The following PCLO variants were observed in gnomAD, a reference collection of about 807,000 sequenced individuals.
PCLO encodes the protein piccolo presynaptic cytomatrix protein, also known as protein piccolo.
In PCLO, 82 loss-of-function variants were observed where a neutral mutation model predicts 427.5. That is an observed-to-expected ratio of 0.19 (90% CI 0.16 to 0.23). PCLO has a LOEUF of 0.23. Among genes scored for constraint, PCLO ranks in the 10% least tolerant of loss-of-function variants. The pLI, the probability that PCLO is intolerant of heterozygous loss-of-function variation, is 1.00. For synonymous variants in PCLO, 2,357 were observed against 2,155.4 expected (o/e 1.09, Z -2.59); for missense variants, 6,239 against 6,115.9 (o/e 1.02, Z -0.67).
chr7:82,805,430 T>G (rs1429985153), intron 21 of PCLO, among the ~76,000 whole-genome samples: 1 of 152,202 alleles, frequency 6.6e-6, no homozygotes, highest in Non-Finnish European at 1.5e-5. Flanking sequence ...CATGGCTAAG[T>G]GATTAGCAGT....
At chr7:83,144,527 C>G (rs142285292) in intron 2 of PCLO, among the ~76,000 whole-genome samples, 18 of 152,168 alleles carry the variant, frequency 1.2e-4, no homozygotes, top group Admixed American at 3.3e-4. Context: ...TGAATAGATG[C>G]TCCTTACAAC....
chr7:82,949,123 C>A (rs1395623276), intron 6 of PCLO, among the ~76,000 whole-genome samples: 1 of 152,116 alleles, frequency 6.6e-6, no homozygotes, highest in Non-Finnish European at 1.5e-5. Flanking sequence ...GAAATCACAG[C>A]TACAGTTGAT....
intron 3 of PCLO, among the ~76,000 whole-genome samples, chr7:83,034,177 CT>C (rs1284917908): frequency 2.0e-5 from 3 of 152,118 alleles, no homozygotes; most frequent in African/African-American, 7.2e-5. Flanking sequence ...CTCAATTTAA[CT>C]TAGACCCATG....
At chr7:82,828,952 G>A (rs1244953328) in intron 16 of PCLO, among the ~76,000 whole-genome samples, 1 of 152,104 alleles carries the variant, frequency 6.6e-6, no homozygotes, top group Non-Finnish European at 1.5e-5. Context: ...TTCACAAGTT[G>A]CCTTTCCCTA....
intron 3 of PCLO, among the ~76,000 whole-genome samples, chr7:83,052,695 C>A (rs1372359046): frequency 6.6e-6 from 1 of 151,886 alleles, no homozygotes; most frequent in Non-Finnish European, 1.5e-5. Context: ...GTGCCTCTAC[C>A]TCGTTGGTTG....
At chr7:82,898,761 A>G (rs1793967059) in intron 9 of PCLO, among the ~76,000 whole-genome samples, 1 of 151,464 alleles carries the variant, frequency 6.6e-6, no homozygotes, top group African/African-American at 2.4e-5. Flanking sequence ...GTACAATTTT[A>G]TTATGGAAAA....
At chr7:82,772,990 G>T (rs760096068) in intron 22 of PCLO, among the ~76,000 whole-genome samples, 10 of 152,096 alleles carry the variant, frequency 6.6e-5, no homozygotes, top group Non-Finnish European at 1.0e-4. Context: ...CAGGAATGAG[G>T]TAGGAGAGCT....
intron 23 of PCLO, among the ~76,000 whole-genome samples, chr7:82,761,098 G>A (rs1056868193): frequency 2.0e-5 from 3 of 151,176 alleles, no homozygotes; most frequent in Admixed American, 1.3e-4. Flanking sequence ...AGGCAGGAGC[G>A]ACCACACCTA....
intron 3 of PCLO, among the ~76,000 whole-genome samples, chr7:83,072,014 A>C (rs10233612): frequency 0.24 from 35,938 of 151,974 alleles, 4,842 homozygotes; most frequent in East Asian, 0.56. Flanking sequence ...TATGTTATTC[A>C]AATTTCTTAT....
intron 3 of PCLO, among the ~76,000 whole-genome samples, chr7:82,968,165 T>G (rs1488041756): frequency 6.6e-6 from 1 of 152,200 alleles, no homozygotes; most frequent in African/African-American, 2.4e-5. Context: ...AAGACAAAAG[T>G]CAATTCTGTA....
At chr7:83,110,887 A>C (rs1159693759) in intron 3 of PCLO, among the ~76,000 whole-genome samples, 1 of 152,226 alleles carries the variant, frequency 6.6e-6, no homozygotes, top group Admixed American at 6.5e-5. Flanking sequence ...TTCATTTAGC[A>C]AAGCAATGAT....
intron 22 of PCLO, among the ~76,000 whole-genome samples, chr7:82,779,724 A>ATT (rs59284675): frequency 7.6e-6 from 1 of 131,070 alleles, no homozygotes; most frequent in African/African-American, 2.8e-5. Flanking sequence ...TTTGCTCTAT[A>ATT]TTTTTTTTTC....
intron 3 of PCLO, among the ~76,000 whole-genome samples, chr7:83,039,255 T>C (rs1369422898): frequency 2.0e-5 from 3 of 152,156 alleles, no homozygotes; most frequent in African/African-American, 7.2e-5. Flanking sequence ...TTGTTGCTCA[T>C]ACTTTTGGGG....
intron 3 of PCLO, among the ~76,000 whole-genome samples, chr7:83,072,652 T>C (rs1236152533): frequency 6.6e-6 from 1 of 152,070 alleles, no homozygotes; most frequent in African/African-American, 2.4e-5. Flanking sequence ...AATTAAGATT[T>C]GTACCAGTTT....
intron 22 of PCLO, among the ~76,000 whole-genome samples, chr7:82,776,229 G>C (rs926457675): frequency 2.6e-5 from 4 of 152,148 alleles, no homozygotes; most frequent in Non-Finnish European, 5.9e-5. Context: ...ACTAGAGGTA[G>C]TGGGCATCCT....
intron 9 of PCLO, among the ~76,000 whole-genome samples, chr7:82,883,308 T>C (rs966224927): frequency 2.0e-5 from 3 of 149,528 alleles, no homozygotes; most frequent in African/African-American, 7.7e-5. Context: ...ACACATTACT[T>C]ACACTCTTGA....
chr7:83,074,241 G>T (rs1219386666), intron 3 of PCLO, among the ~76,000 whole-genome samples: 1 of 151,852 alleles, frequency 6.6e-6, no homozygotes, highest in African/African-American at 2.4e-5. Context: ...GAGTGAGAGA[G>T]AGGGAGAGAC....
At chr7:82,809,788 G>C (rs533071543) in intron 20 of PCLO, among the ~76,000 whole-genome samples, 25 of 151,530 alleles carry the variant, frequency 1.6e-4, no homozygotes, top group Non-Finnish European at 3.0e-4. Flanking sequence ...ACTTTAGGGA[G>C]TCATTTTTTT....
At chr7:83,074,354 C>G (rs770879346) in intron 3 of PCLO, among the ~76,000 whole-genome samples, 1 of 151,946 alleles carries the variant, frequency 6.6e-6, no homozygotes, top group Non-Finnish European at 1.5e-5. Flanking sequence ...TTAGTACATC[C>G]TAGAATTATT....
Sources: gnomAD v4.1 joint callset for allele counts (sites outside exome capture counted in the v4.1 genomes callset) on GRCh38, gnomAD v4.1.1 for gene constraint, MANE v1.5 for transcripts, NCBI Gene and HGNC (gene_info 2026-07-23, HGNC 2026-07-21) for gene names.